ZNF704: variants seen among roughly 807,000 people sequenced by gnomAD.
ZNF704 encodes zinc finger protein 704, also known as glucocorticoid induced gene 1.
A neutral mutation model predicts 44.7 loss-of-function variants in ZNF704; 10 were observed. That is an observed-to-expected ratio of 0.22 (90% CI 0.14 to 0.38). The LOEUF (loss-of-function observed/expected upper bound fraction) is 0.38. ZNF704 is among the 10% of genes least tolerant of loss of function. ZNF704 has a pLI of 1.00. For missense variants in ZNF704, 390 were observed against 545.5 expected (o/e 0.71, Z 2.84); for synonymous variants, 211 against 207.6 (o/e 1.02, Z -0.14).
chr8:80,810,537 A>G (rs1482780474), intron 2 of ZNF704, among the ~76,000 whole-genome samples: 1 of 152,202 alleles, frequency 6.6e-6, no homozygotes, highest in East Asian at 1.9e-4. Flanking sequence ...GTCCAAGCCT[A>G]CAGTATGTTT....
intron 8 of ZNF704, among the ~76,000 whole-genome samples, chr8:80,642,253 T>C (rs1817754921): frequency 6.6e-6 from 1 of 152,216 alleles, no homozygotes; most frequent in Non-Finnish European, 1.5e-5. Flanking sequence ...GCAATCTCAG[T>C]ATAAAAATTT....
chr8:80,854,541 T>C (rs1808925751), intron 1 of ZNF704, among the ~76,000 whole-genome samples: 1 of 152,238 alleles, frequency 6.6e-6, no homozygotes, highest in African/African-American at 2.4e-5. Flanking sequence ...AACATTAAGA[T>C]GGGATTTCTT....
At chr8:80,787,329 TGC>T (rs1491344164) in intron 2 of ZNF704, among the ~76,000 whole-genome samples, 1 of 152,216 alleles carries the variant, frequency 6.6e-6, no homozygotes, top group Non-Finnish European at 1.5e-5. Flanking sequence ...TACATGTGCG[TGC>T]ACACACACTC....
At chr8:80,860,948 G>A (rs943699742) in intron 1 of ZNF704, among the ~76,000 whole-genome samples, 7 of 152,272 alleles carry the variant, frequency 4.6e-5, no homozygotes, top group Admixed American at 2.0e-4. Flanking sequence ...AGAAATGAGA[G>A]ATGGGTGGTG....
intron 2 of ZNF704, among the ~76,000 whole-genome samples, chr8:80,747,551 G>T (rs949117950): frequency 8.5e-5 from 13 of 152,160 alleles, no homozygotes; most frequent in Non-Finnish European, 1.5e-5. Flanking sequence ...AAACTTGGAT[G>T]AAGGATGTCA....
intron 4 of ZNF704, among the ~76,000 whole-genome samples, chr8:80,683,829 C>G (rs909689971): frequency 6.6e-6 from 1 of 152,232 alleles, no homozygotes; most frequent in Non-Finnish European, 1.5e-5. Context: ...ACACTGTCAT[C>G]TTCTTTACAT....
intron 2 of ZNF704, among the ~76,000 whole-genome samples, chr8:80,738,536 T>C (rs1231148016): frequency 2.6e-5 from 4 of 152,062 alleles, no homozygotes; most frequent in South Asian, 4.1e-4. Context: ...CTAGCGAGAC[T>C]TGGCATTTGA....
intron 2 of ZNF704, among the ~76,000 whole-genome samples, chr8:80,775,490 T>C (rs966603530): frequency 2.6e-5 from 4 of 152,174 alleles, no homozygotes; most frequent in African/African-American, 9.7e-5. Flanking sequence ...GATAAAGAAA[T>C]TTTCAGCAAG....
At chr8:80,653,530 AT>A (rs1817957960) in intron 7 of ZNF704, among the ~76,000 whole-genome samples, 1 of 150,898 alleles carries the variant, frequency 6.6e-6, no homozygotes, top group Non-Finnish European at 1.5e-5. Context: ...AATTATAAGC[AT>A]TCTTAAAACC....
intron 2 of ZNF704, among the ~76,000 whole-genome samples, chr8:80,786,103 A>T (rs1807609338): frequency 6.6e-6 from 1 of 152,006 alleles, no homozygotes; most frequent in Non-Finnish European, 1.5e-5. Context: ...CTATAAAAAA[A>T]CCCACAAACA....
At chr8:80,820,912 G>GA (rs750108007) in intron 2 of ZNF704, among the ~76,000 whole-genome samples, 1,948 of 139,582 alleles carry the variant, frequency 0.014, 72 homozygotes, top group Admixed American at 0.081. Flanking sequence ...TCTCTATTTG[G>GA]AAAAAAAAAA....
chr8:80,844,757 A>G (rs1563574454), intron 1 of ZNF704, among the ~76,000 whole-genome samples: 1 of 152,186 alleles, frequency 6.6e-6, no homozygotes, highest in Non-Finnish European at 1.5e-5. Context: ...TTAAAATTTT[A>G]TGTAGAGACA....
chr8:80,735,248 C>T (rs1445953976), intron 2 of ZNF704, among the ~76,000 whole-genome samples: 1 of 152,226 alleles, frequency 6.6e-6, no homozygotes, highest in Non-Finnish European at 1.5e-5. Context: ...CTCTTTCCTC[C>T]TTACCTATCC....
intron 4 of ZNF704, among the ~76,000 whole-genome samples, chr8:80,673,692 A>G (rs1033477499): frequency 2.6e-5 from 4 of 152,176 alleles, no homozygotes; most frequent in African/African-American, 9.7e-5. Context: ...CCCATGCTGA[A>G]GATTTTCCAT....
At chr8:80,784,076 C>G (rs938697600) in intron 2 of ZNF704, among the ~76,000 whole-genome samples, 2 of 152,166 alleles carry the variant, frequency 1.3e-5, no homozygotes, top group African/African-American at 4.8e-5. Flanking sequence ...TGTCCTCATA[C>G]TCCATATGTC....
chr8:80,685,355 C>T (rs1370267772), intron 4 of ZNF704, among the ~76,000 whole-genome samples: 1 of 152,042 alleles, frequency 6.6e-6, no homozygotes, highest in African/African-American at 2.4e-5. Context: ...CCTTAAATAA[C>T]ATTGGGGTTC....
At chr8:80,770,297 T>C (rs1807298940) in intron 2 of ZNF704, among the ~76,000 whole-genome samples, 2 of 152,306 alleles carry the variant, frequency 1.3e-5, no homozygotes, top group South Asian at 4.2e-4. Context: ...CCTCACGATG[T>C]CCTATTATAG....
At chr8:80,832,212 C>A (rs1206062587) in intron 1 of ZNF704, among the ~76,000 whole-genome samples, 1 of 151,934 alleles carries the variant, frequency 6.6e-6, no homozygotes, top group Non-Finnish European at 1.5e-5. Context: ...GGGGAAATTG[C>A]CATTTTTTTT....
chr8:80,760,963 T>C (rs1471373373), intron 2 of ZNF704, among the ~76,000 whole-genome samples: 1 of 152,128 alleles, frequency 6.6e-6, no homozygotes, highest in African/African-American at 2.4e-5. Flanking sequence ...CCAAGGGAGA[T>C]GGTGCTAAAC....
Sources: gnomAD v4.1 joint callset for allele counts (sites outside exome capture counted in the v4.1 genomes callset) on GRCh38, gnomAD v4.1.1 for gene constraint, MANE v1.5 for transcripts, NCBI Gene and HGNC (gene_info 2026-07-23, HGNC 2026-07-21) for gene names.